Variants in CACNA2D1 observed in about 807,000 individuals in gnomAD.
CACNA2D1 encodes voltage-dependent calcium channel subunit alpha-2/delta-1.
Under a neutral mutation model 171.5 loss-of-function variants are expected in CACNA2D1, and 53 were observed. The observed-to-expected ratio is 0.31, with a 90% confidence interval of 0.25 to 0.39. The LOEUF is 0.39. Ranked by LOEUF, CACNA2D1 falls within the 10% of genes least tolerant of loss-of-function variation. The pLI, the probability that CACNA2D1 is intolerant of heterozygous loss-of-function variation, is 1.00. For missense variants in CACNA2D1, 903 were observed against 1,299.8 expected (o/e 0.69, Z 4.69); for synonymous variants, 442 against 443.1 (o/e 1.00, Z 0.03).
intron 3 of CACNA2D1, among the ~76,000 whole-genome samples, chr7:82,214,653 C>T (rs1800921693): frequency 6.6e-6 from 1 of 152,096 alleles, no homozygotes; most frequent in Admixed American, 6.6e-5. Context: ...GCATAGTTAA[C>T]ACATCCATTT....
At chr7:82,097,713 A>C (rs258664) in intron 6 of CACNA2D1, among the ~76,000 whole-genome samples, 58,622 of 152,018 alleles carry the variant, frequency 0.39, 11,536 homozygotes, top group Non-Finnish European at 0.42. Context: ...GAAGTGTATA[A>C]GGAAGAATCA....
At chr7:82,151,702 C>CCAAT (rs1793873934) in intron 4 of CACNA2D1, among the ~76,000 whole-genome samples, 1 of 152,060 alleles carries the variant, frequency 6.6e-6, no homozygotes. Context: ...ACAGAGTTGT[C>CCAAT]TACATTTTCA....
At chr7:82,415,508 C>G (rs866958881) in intron 1 of CACNA2D1, among the ~76,000 whole-genome samples, 1 of 151,416 alleles carries the variant, frequency 6.6e-6, no homozygotes. Flanking sequence ...CTAGCCTGGG[C>G]GACAAGAGTG....
At chr7:82,234,309 T>C (rs1479930475) in intron 3 of CACNA2D1, among the ~76,000 whole-genome samples, 1 of 152,114 alleles carries the variant, frequency 6.6e-6, no homozygotes, top group Non-Finnish European at 1.5e-5. Flanking sequence ...TTAATAGGTT[T>C]TAAATATTAG....
Position 82,112,403 on chromosome 7 carries a change from C to T in CACNA2D1, c.526+4641G>A, listed in dbSNP as rs149225589. 2.0e-4 allele frequency among the ~76,000 whole-genome samples: 31 copies of T among 152,228 alleles called. No individual in the cohort carries two copies. The East Asian group carries it at 2.9e-3, about 14-fold the overall frequency. Reference sequence around the variant, plus strand: ...CCCTCTTACAAAATATATTTGATGACGCAGTATGACAAGCTAGTATCACTC... The same window carrying T: ...CCCTCTTACAAAATATATTTGATGATGCAGTATGACAAGCTAGTATCACTC... On this transcript the variant is annotated intron_variant, in intron 6 of 38. Coordinates refer to ENST00000356860, the MANE Select transcript of CACNA2D1 (RefSeq NM_000722.4).
chr7:82,170,988 T>TA (rs1006166550), intron 3 of CACNA2D1, among the ~76,000 whole-genome samples: 2 of 152,004 alleles, frequency 1.3e-5, no homozygotes, highest in Non-Finnish European at 2.9e-5. Flanking sequence ...ACATTTCTCT[T>TA]AAAAAATGAC....
At chr7:82,136,559 C>T in intron 5 of CACNA2D1, 76 bp downstream of exon 5, 1 of 1,100,254 alleles carries the variant, frequency 9.1e-7, no homozygotes, top group Non-Finnish European at 1.3e-6. Context: ...AAACTGCTAG[C>T]TCAATTTATT....
Position 81,961,919 on chromosome 7 carries a change from C to T in CACNA2D1, c.2941G>A (p.Val981Ile), listed in dbSNP as rs1460084138. The T allele has an allele frequency of 6.2e-7, 1 of 1,610,058 alleles. No homozygotes were observed. The highest frequency in any genetic ancestry group is 8.5e-7 in the Non-Finnish European group (1 of 1,176,896). Residue 981 changes from valine (V) to isoleucine (I), a missense_variant, in exon 36 of 39, where the codon GTA becomes ATA. By Grantham distance (29) the Val-to-Ile change is conservative. Around this residue, in one of 5 missense-constraint regions of CACNA2D1, gnomAD observed 623 missense variants for 925.5 expected, o/e 0.67. Transcript: ENST00000356860. Reference sequence around the variant, plus strand: ...CTGGAACAGTTTCCACAGTCTAATACACCACTGAATGATTTACTGTCGTTA... The same window carrying T: ...CTGGAACAGTTTCCACAGTCTAATATACCACTGAATGATTTACTGTCGTTA... ...FDNDSKSFSGVLDCGNCSRIF... is the reference protein window; with the variant it reads ...FDNDSKSFSGILDCGNCSRIF...
intron 25 of CACNA2D1, among the ~76,000 whole-genome samples, chr7:81,972,564 C>A (rs1795390049): frequency 6.6e-6 from 1 of 151,784 alleles, no homozygotes; most frequent in South Asian, 2.1e-4. Context: ...GTTGTCATTT[C>A]TAGAATAACT....
rs753942490 is a variant in CACNA2D1 at position 82,007,319 on chromosome 7, C to T, written c.1440+360G>A. ...TACACCTGATACAAACATCGCCATG[C>T]TTTTGGTCTTTGGATTTTTCTTTCT... On this transcript the variant is annotated intron_variant, in intron 16 of 38. Coordinates refer to ENST00000356860, the MANE Select transcript of CACNA2D1 (RefSeq NM_000722.4). 7.4e-4 allele frequency among the ~76,000 whole-genome samples: 113 copies of T among 152,202 alleles called. 1 individual carries two copies. The highest frequency in any genetic ancestry group is 1.1e-3 in the Non-Finnish European group (76 of 68,000).
chr7:81,958,929 T>C (rs899356477), intron 38 of CACNA2D1, among the ~76,000 whole-genome samples: 3 of 151,828 alleles, frequency 2.0e-5, no homozygotes, highest in African/African-American at 7.3e-5. Flanking sequence ...CAAATATAAC[T>C]AACAAAAATA....
intron 2 of CACNA2D1, among the ~76,000 whole-genome samples, chr7:82,338,097 A>C (rs1484984715): frequency 2.0e-5 from 3 of 152,186 alleles, no homozygotes; most frequent in African/African-American, 7.2e-5. Context: ...TATATGTTCT[A>C]AGTCACTTTG....
At chr7:81,984,007 A>G (rs184641540) in intron 22 of CACNA2D1, among the ~76,000 whole-genome samples, 1 of 152,182 alleles carries the variant, frequency 6.6e-6, no homozygotes, top group Non-Finnish European at 1.5e-5. Context: ...AACAAAATAA[A>G]CAATAACTTG....
chr7:82,293,729 T>C (rs1354840915), intron 3 of CACNA2D1, among the ~76,000 whole-genome samples: 2 of 152,212 alleles, frequency 1.3e-5, no homozygotes, highest in Admixed American at 1.3e-4. Flanking sequence ...AGGGCTGAGT[T>C]CAGTATGGGA....
At chr7:82,107,751 G>GT (rs1787926002) in intron 6 of CACNA2D1, among the ~76,000 whole-genome samples, 1 of 151,564 alleles carries the variant, frequency 6.6e-6, no homozygotes, top group Admixed American at 6.6e-5. Flanking sequence ...ACCTGGCTAA[G>GT]TTTTGTATTT....
chr7:82,288,225 C>T (rs1282628366), intron 3 of CACNA2D1, among the ~76,000 whole-genome samples: 1 of 151,932 alleles, frequency 6.6e-6, no homozygotes, highest in African/African-American at 2.4e-5. Flanking sequence ...AGTATTAAAA[C>T]TTGTTTTGTT....
At chr7:82,350,283 CT>C (rs1396922443) in intron 1 of CACNA2D1, among the ~76,000 whole-genome samples, 2 of 152,090 alleles carry the variant, frequency 1.3e-5, no homozygotes, top group East Asian at 3.9e-4. Context: ...GATTATCCTC[CT>C]TTTTAAAGAG....
chr7:82,378,125 T>G, intron 1 of CACNA2D1, among the ~76,000 whole-genome samples: 1 of 152,168 alleles, frequency 6.6e-6, no homozygotes, highest in Non-Finnish European at 1.5e-5. Flanking sequence ...AGGCTGGGTG[T>G]GGTGGCGCAT....
chr7:82,171,014 T>A (rs896606046), intron 3 of CACNA2D1, among the ~76,000 whole-genome samples: 1 of 152,030 alleles, frequency 6.6e-6, no homozygotes, highest in Admixed American at 6.6e-5. Flanking sequence ...GAGATTAATA[T>A]GCACTAAACA....
Sources: allele counts gnomAD v4.1 joint callset (sites outside exome capture counted in the v4.1 genomes callset), GRCh38; gene constraint gnomAD v4.1.1; regional missense constraint gnomAD v4.1.1; transcripts MANE v1.5; gene names NCBI Gene and HGNC (gene_info 2026-07-23, HGNC 2026-07-21).